The following MED9 variants were observed in gnomAD, a reference collection of about 807,000 sequenced individuals.
MED9 encodes the protein mediator of RNA polymerase II transcription subunit 9.
In MED9, 8 loss-of-function variants were observed where a neutral mutation model predicts 13.2. That is an observed-to-expected ratio of 0.61 (90% CI 0.36 to 1.10). MED9 has a LOEUF of 1.10. MED9 is among the 50% of genes least tolerant of loss of function. The pLI is 0.02. For missense variants in MED9, 180 were observed against 193.4 expected (o/e 0.93, Z 0.41); for synonymous variants, 87 against 82.8 (o/e 1.05, Z -0.28).
At chr17:17,480,711 A>G (rs1289940229) in intron 1 of MED9, among the ~76,000 whole-genome samples, 1 of 152,200 alleles carries the variant, frequency 6.6e-6, no homozygotes, top group Non-Finnish European at 1.5e-5. Context: ...GAAAGACAAG[A>G]CAGAAGAGCA....
intron 1 of MED9, among the ~76,000 whole-genome samples, chr17:17,478,098 C>T (rs1434708767): frequency 1.3e-5 from 2 of 152,174 alleles, no homozygotes; most frequent in Non-Finnish European, 2.9e-5. Context: ...TGGCCTCAAG[C>T]CATCCTCCCA....
chr17:17,490,563 C>T (rs891351307), intron 1 of MED9, among the ~76,000 whole-genome samples: 2 of 152,184 alleles, frequency 1.3e-5, no homozygotes, highest in African/African-American at 2.4e-5. Context: ...TGAGATGGAG[C>T]GAACCGTCTG....
chr17:17,487,613 C>G (rs1266488445), intron 1 of MED9: 2 of 171,614 alleles, frequency 1.2e-5, no homozygotes, highest in Non-Finnish European at 2.4e-5. Flanking sequence ...TCAGAAGGGA[C>G]AGACTTCAGA....
intron 1 of MED9, among the ~76,000 whole-genome samples, chr17:17,479,150 T>C (rs1202135967): frequency 2.6e-5 from 4 of 152,198 alleles, no homozygotes; most frequent in Non-Finnish European, 5.9e-5. Flanking sequence ...GATGTAGTAG[T>C]AAGTTATACT....
At chr17:17,489,922 G>C (rs1242490) in intron 1 of MED9, among the ~76,000 whole-genome samples, 88,251 of 152,170 alleles carry the variant, frequency 0.58, 27,825 homozygotes, top group Non-Finnish European at 0.73. Flanking sequence ...TATTCTGCCT[G>C]CGTAAGCAGA....
chr17:17,491,647 G>T lies in MED9; in HGVS notation c.*152G>T, dbSNP rs569209412. On this transcript the variant is annotated 3_prime_UTR_variant, in exon 2 of 2. Transcript: ENST00000268711. ...GCTCCTGTGCTGCTGCGCGCGCTTC[G>T]CCTGTGCGGGAGCCAGCGCAGAGCT... The T allele has an allele frequency of 8.1e-6, 6 of 743,682 alleles. No homozygotes were observed. In the East Asian group the frequency reaches 8.1e-5, roughly 10 times the overall value. 46.1% of individuals were successfully genotyped at this position (743,682 alleles called of 1,614,324 possible). A position where few individuals can be genotyped will look rare whatever the true frequency, so the allele number is the denominator to read the frequency against.
At position 17,484,764 on chromosome 17, in the gene MED9, T is replaced by C. The variant is rs185105910; in HGVS notation, c.225-6515T>C. 2.6e-5 allele frequency among the ~76,000 whole-genome samples: 4 copies of C among 152,334 alleles called. No individual in the cohort carries two copies. In the East Asian group the frequency reaches 7.7e-4, roughly 29 times the overall value. ...GTCATTTCCATCCACTCAGTATGAC[T>C]TATAACCAGAAGGTGGGCCCCAGCA... On this transcript the variant is annotated intron_variant, in intron 1 of 1. Coordinates refer to ENST00000268711, the MANE Select transcript of MED9 (RefSeq NM_018019.3).
chr17:17,488,067 C>T (rs1006446369), intron 1 of MED9: 1 of 152,080 alleles, frequency 6.6e-6, no homozygotes, highest in Non-Finnish European at 1.5e-5. Context: ...CCCTCAAGTA[C>T]CTATTACTGT....
intron 1 of MED9, chr17:17,486,369 G>C (rs1905127890): frequency 6.5e-6 from 1 of 152,802 alleles, no homozygotes; most frequent in African/African-American, 2.4e-5. Context: ...GCGCGAGCGG[G>C]AACCAGGGCT....
chr17:17,481,181 A>T (rs993920765), intron 1 of MED9, among the ~76,000 whole-genome samples: 2 of 152,174 alleles, frequency 1.3e-5, no homozygotes, highest in Non-Finnish European at 2.9e-5. Flanking sequence ...CAGTCAAGAC[A>T]CAGTACTGGC....
rs962713685 is a variant in MED9, at chr17:17,491,550, A to G, written c.*55A>G. On this transcript the variant is annotated 3_prime_UTR_variant, in exon 2 of 2. Transcript: ENST00000268711. ...GAAGCCAATGGCCTGTCTCCCCACT[A>G]CCATCCCCAAACGCTCCTTGGGGCG... 8.0e-6 allele frequency: 12 copies of G among 1,492,774 alleles called. No individual in the cohort carries two copies. Among genetic ancestry groups the G allele is most frequent in the Non-Finnish European group, 1.0e-5 (11 of 1,075,718 alleles). 92.5% of individuals were successfully genotyped at this position (1,492,774 alleles called of 1,614,324 possible). A position where few individuals can be genotyped will look rare whatever the true frequency, so the allele number is the denominator to read the frequency against.
chr17:17,478,895 G>A (rs145953340), intron 1 of MED9, among the ~76,000 whole-genome samples: 1 of 152,142 alleles, frequency 6.6e-6, no homozygotes, highest in Non-Finnish European at 1.5e-5. Flanking sequence ...GGATAAGGCA[G>A]CCTATTCAGT....
chr17:17,479,282 T>A (rs1198615799), intron 1 of MED9, among the ~76,000 whole-genome samples: 2 of 152,242 alleles, frequency 1.3e-5, no homozygotes, highest in African/African-American at 4.8e-5. Flanking sequence ...TTATCTCTAA[T>A]ATGTCCATAG....
At chr17:17,481,353 C>G (rs1287079948) in intron 1 of MED9, among the ~76,000 whole-genome samples, 1 of 152,138 alleles carries the variant, frequency 6.6e-6, no homozygotes, top group Non-Finnish European at 1.5e-5. Context: ...GTGAATTTAG[C>G]CTTTCTTGTT....
chr17:17,477,145 C>T lies in MED9; in HGVS notation c.104C>T (p.Pro35Leu). ...PDTKPLPPPQ[P>L]PPVPAPQPQQ... ...ACCAAGCCGCTGCCGCCTCCTCAGCCGCCGCCGGTCCCTGCGCCTCAACCG... is the reference window on the plus strand; with the variant it reads ...ACCAAGCCGCTGCCGCCTCCTCAGCTGCCGCCGGTCCCTGCGCCTCAACCG... The change falls in exon 1 of 2, where the codon CCG becomes CTG. Residue 35 changes from proline to leucine, a missense_variant. Physicochemically the swap from Pro to Leu is moderately conservative, Grantham distance 98 (BLOSUM62 -3). Coordinates refer to ENST00000268711, the MANE Select transcript of MED9 (RefSeq NM_018019.3). 1.2e-6 allele frequency: 2 copies of T among 1,608,068 alleles called. No homozygotes were observed. Among genetic ancestry groups the T allele is most frequent in the Non-Finnish European group, 1.7e-6 (2 of 1,177,784 alleles).
chr17:17,480,259 T>G (rs748377227), intron 1 of MED9, among the ~76,000 whole-genome samples: 4 of 152,006 alleles, frequency 2.6e-5, no homozygotes, highest in Non-Finnish European at 5.9e-5. Context: ...CACCCGAGCC[T>G]TCCCCCACCT....
intron 1 of MED9, among the ~76,000 whole-genome samples, chr17:17,482,943 A>G (rs1341228054): frequency 6.6e-6 from 1 of 152,090 alleles, no homozygotes; most frequent in Non-Finnish European, 1.5e-5. Flanking sequence ...TCCAGCACCA[A>G]ACTATTTTAG....
rs867877026 is a variant in MED9, at chr17:17,477,211, C to G, written c.170C>G (p.Ala57Gly). 1.2e-6 allele frequency: 2 copies of G among 1,610,366 alleles called. No individual in the cohort carries two copies. Among genetic ancestry groups the G allele is most frequent in the African/African-American group, 2.7e-5 (2 of 74,786 alleles). Reference sequence around the variant, plus strand: ...CCACGGCCTCAGTCACCTGCCCGCGCGAGGGAGGAAGAGAACTACTCCTTT... The same window carrying G: ...CCACGGCCTCAGTCACCTGCCCGCGGGAGGGAGGAAGAGAACTACTCCTTT... Reference protein sequence around the residue: ...PAPRPQSPARAREEENYSFLP... With the variant: ...PAPRPQSPARGREEENYSFLP... The change falls in exon 1 of 2, where the codon GCG becomes GGG. Residue 57 changes from alanine to glycine, a missense_variant. Ala to Gly is a moderately conservative substitution (Grantham distance 60). Transcript: ENST00000268711.
intron 1 of MED9, chr17:17,487,336 G>A (rs1305314772): frequency 6.5e-6 from 1 of 152,906 alleles, no homozygotes; most frequent in African/African-American, 2.4e-5. Flanking sequence ...TGCTGTGGAA[G>A]CTTTGTTCTT....
Sources: gnomAD v4.1 joint callset for allele counts (sites outside exome capture counted in the v4.1 genomes callset) on GRCh38, gnomAD v4.1.1 for gene constraint, MANE v1.5 for transcripts, NCBI Gene and HGNC (gene_info 2026-07-23, HGNC 2026-07-21) for gene names.